MTMR3: variants seen among roughly 807,000 people sequenced by gnomAD.
The protein encoded by MTMR3 is phosphatidylinositol-3,5-bisphosphate 3-phosphatase MTMR3.
Under a neutral mutation model 132.4 loss-of-function variants are expected in MTMR3, and 32 were observed. That is an observed-to-expected ratio of 0.24 (90% CI 0.18 to 0.32). The LOEUF is 0.32. Ranked by LOEUF, MTMR3 falls within the 10% of genes least tolerant of loss-of-function variation. MTMR3 has a pLI of 1.00. For missense variants in MTMR3, 1,216 were observed against 1,489.6 expected, an observed-to-expected ratio of 0.82 and a Z score of 3.02; for synonymous variants, 556 against 550.3, an observed-to-expected ratio of 1.01 and a Z score of -0.14.
intron 6 of MTMR3, chr22:29,991,123 C>T (rs2066952390): frequency 6.5e-6 from 1 of 154,402 alleles, no homozygotes; most frequent in Non-Finnish European, 1.4e-5. Flanking sequence ...TACTACAAAA[C>T]AAAGATTTTT....
At position 29,949,139 on chromosome 22, in the gene MTMR3, ACACACCCCCCCCCC is replaced by A. The variant is rs1230696921; in HGVS notation, c.-137-7895_-137-7882del. ...CACACACACACACACACACACACAC[ACACACCCCCCCCCC>A]CCCCCCCGAGGCCCTGTCTTAAAAC... On this transcript the variant is annotated intron_variant, in intron 1 of 19. Transcript: ENST00000401950. Among the ~76,000 whole-genome samples, 33 of 24,564 alleles carry A rather than the reference ACACACCCCCCCCCC, an allele frequency of 1.3e-3. 1 individual carries two copies. The highest frequency in any genetic ancestry group is 1.7e-3 in the Non-Finnish European group (26 of 15,192). The allele number at this position is 24,564 out of a possible 152,430, so 16.1% of individuals were successfully genotyped here. A position where few individuals can be genotyped will look rare whatever the true frequency, so the allele number is the denominator to read the frequency against.
intron 1 of MTMR3, among the ~76,000 whole-genome samples, chr22:29,921,853 T>C (rs1001885137): frequency 2.6e-5 from 4 of 151,250 alleles, no homozygotes; most frequent in African/African-American, 4.9e-5. Flanking sequence ...TTTTTTTTTT[T>C]CTTTTTTTTT....
At chr22:29,940,095 G>A (rs940489200) in intron 1 of MTMR3, among the ~76,000 whole-genome samples, 15 of 152,034 alleles carry the variant, frequency 9.9e-5, no homozygotes, top group Non-Finnish European at 1.8e-4. Flanking sequence ...GTGAAACCCC[G>A]TCTCTGCTAA....
At chr22:29,997,061 C>T (rs1470771177) in intron 7 of MTMR3, 1 of 152,182 alleles carries the variant, frequency 6.6e-6, no homozygotes, top group Non-Finnish European at 1.5e-5. Context: ...GTCAATATTC[C>T]TTGCAATTTG....
chr22:29,930,351 A>G (rs993963689), intron 1 of MTMR3, among the ~76,000 whole-genome samples: 16 of 152,204 alleles, frequency 1.1e-4, no homozygotes, highest in Non-Finnish European at 5.9e-5. Flanking sequence ...AGGATTTAAT[A>G]TAAATGGTCA....
chr22:29,884,306 G>A (rs1169497774), intron 1 of MTMR3, among the ~76,000 whole-genome samples: 1 of 152,138 alleles, frequency 6.6e-6, no homozygotes, highest in East Asian at 1.9e-4. Context: ...TACTTTTCTA[G>A]TTAAGGTTCA....
chr22:29,943,186 A>G (rs1488667833), intron 1 of MTMR3, among the ~76,000 whole-genome samples: 1 of 150,964 alleles, frequency 6.6e-6, no homozygotes, highest in African/African-American at 2.4e-5. Context: ...TGATGTGTGT[A>G]TTTTTCTTTT....
At position 30,020,254 on chromosome 22, in the gene MTMR3, A is replaced by C. The variant is rs2067711321; in HGVS notation, c.2595A>C (p.Arg865Ser). Residue 865 changes from arginine (R) to serine (S), a missense_variant, in exon 17 of 20, where the codon AGA becomes AGC. Coordinates refer to ENST00000401950, the MANE Select transcript of MTMR3 (RefSeq NM_021090.4). ...KSVSGPQGHHRSCLVNSGKDR... is the reference protein window; with the variant it reads ...KSVSGPQGHHSSCLVNSGKDR... ...TAAGTGGGCCCCAAGGTCATCATAG[A>C]TCTTGCCTTGTAAATAGTGGCAAGG... The C allele has an allele frequency of 6.2e-7, 1 of 1,614,100 alleles. No homozygotes were observed. Among genetic ancestry groups the C allele is most frequent in the African/African-American group, 1.3e-5 (1 of 74,928 alleles).
intron 1 of MTMR3, among the ~76,000 whole-genome samples, chr22:29,943,437 G>A (rs183236003): frequency 7.0e-4 from 107 of 152,154 alleles, no homozygotes; most frequent in Non-Finnish European, 1.1e-3. Context: ...TGATCCGCCC[G>A]TCTCGGCCTC....
At chr22:29,965,184 A>G (rs1257374551) in intron 2 of MTMR3, among the ~76,000 whole-genome samples, 2 of 151,858 alleles carry the variant, frequency 1.3e-5, no homozygotes, top group Non-Finnish European at 2.9e-5. Context: ...CTGCGATGGT[A>G]TATAAGTTGT....
chr22:30,025,694 C>T lies in MTMR3; in HGVS notation c.3490C>T (p.Leu1164Phe), dbSNP rs750136666. 69 of 1,614,074 alleles carry T rather than the reference C, an allele frequency of 4.3e-5. No individual in the cohort carries two copies. The highest frequency in any genetic ancestry group is 5.7e-5 in the Non-Finnish European group (67 of 1,180,016). ...GAAGGTTCCAGTTCCCAGCCAGCAG[C>T]TCTTTGAACCCAGTCGAGTATGCAA... ...NQKVPVPSQQ[L>F]FEPSRVCKSC... Residue 1164 changes from leucine to phenylalanine, a missense_variant, in exon 20 of 20, where the codon CTC becomes TTC. This residue lies in a region of MTMR3 where 852 missense variants were observed against 852.0 expected (regional missense o/e 1.00). Coordinates refer to ENST00000401950, the MANE Select transcript of MTMR3 (RefSeq NM_021090.4).
At chr22:29,963,945 A>T (rs2066364922) in intron 2 of MTMR3, among the ~76,000 whole-genome samples, 1 of 151,946 alleles carries the variant, frequency 6.6e-6, no homozygotes, top group Non-Finnish European at 1.5e-5. Flanking sequence ...TGTATTTGCA[A>T]GATTTTACAT....
chr22:30,025,368 T>C, intron 19 of MTMR3: 2 of 511,682 alleles, frequency 3.9e-6, no homozygotes, highest in Non-Finnish European at 7.1e-6. Flanking sequence ...CATTCTTTTG[T>C]ATACCTGAGC....
At chr22:29,940,986 A>G (rs1224544876) in intron 1 of MTMR3, among the ~76,000 whole-genome samples, 1 of 149,964 alleles carries the variant, frequency 6.7e-6, no homozygotes. Context: ...TTCTAGAGAC[A>G]CTGCACCACT....
At chr22:30,003,020 T>C (rs779726024) in intron 9 of MTMR3, 27 bp downstream of exon 9, 1 of 1,574,026 alleles carries the variant, frequency 6.4e-7, no homozygotes, top group Non-Finnish European at 8.7e-7. Flanking sequence ...CAGTCCCAGC[T>C]TGGGCTGGTG....
intron 1 of MTMR3, among the ~76,000 whole-genome samples, chr22:29,951,621 G>T (rs897440890): frequency 6.6e-6 from 1 of 152,168 alleles, no homozygotes; most frequent in Non-Finnish European, 1.5e-5. Context: ...GAAGACGAGT[G>T]ATTTTTAAGC....
intron 1 of MTMR3, among the ~76,000 whole-genome samples, chr22:29,930,112 T>C (rs1410792051): frequency 6.6e-6 from 1 of 152,242 alleles, no homozygotes; most frequent in African/African-American, 2.4e-5. Context: ...AGTGTGTTTG[T>C]ATAATATTTT....
intron 1 of MTMR3, among the ~76,000 whole-genome samples, chr22:29,922,944 G>A (rs986505211): frequency 2.7e-5 from 4 of 150,118 alleles, no homozygotes; most frequent in African/African-American, 7.4e-5. Context: ...ACTGGAGTGC[G>A]GTGGGGTGAT....
intron 1 of MTMR3, among the ~76,000 whole-genome samples, chr22:29,941,703 G>A (rs1016824617): frequency 3.3e-5 from 5 of 152,032 alleles, no homozygotes; most frequent in Admixed American, 3.3e-4. Flanking sequence ...TTTTCTTAAT[G>A]GTGTCTTTTG....
Sources: allele counts gnomAD v4.1 joint callset (sites outside exome capture counted in the v4.1 genomes callset), GRCh38; gene constraint gnomAD v4.1.1; regional missense constraint gnomAD v4.1.1; transcripts MANE v1.5; gene names NCBI Gene and HGNC (gene_info 2026-07-23, HGNC 2026-07-21).